The following CSMD1 variants were observed in gnomAD, a reference collection of about 807,000 sequenced individuals.
CSMD1 encodes CUB and sushi domain-containing protein 1.
In CSMD1, 213 loss-of-function variants were observed where a neutral mutation model predicts 417.5. The observed-to-expected ratio is 0.51, with a 90% CI of 0.46 to 0.57. CSMD1 has a LOEUF of 0.57. CSMD1 is among the 20% of genes least tolerant of loss of function. The pLI is 0.00. For synonymous variants in CSMD1, 2,862 were observed against 1,736.8 expected (o/e 1.65, Z -16.11); for missense variants, 6,923 against 4,529.7 (o/e 1.53, Z -15.17).
intron 2 of CSMD1, among the ~76,000 whole-genome samples, chr8:4,519,030 C>T (rs1216158998): frequency 6.6e-6 from 1 of 152,146 alleles, no homozygotes; most frequent in South Asian, 2.1e-4. Flanking sequence ...CCCAAACACT[C>T]CTTATGGCTA....
intron 23 of CSMD1, among the ~76,000 whole-genome samples, chr8:3,329,122 G>C (rs991889091): frequency 3.3e-5 from 5 of 152,140 alleles, no homozygotes; most frequent in Admixed American, 1.3e-4. Flanking sequence ...GCATAGAATG[G>C]AGGTGGAAGA....
intron 3 of CSMD1, among the ~76,000 whole-genome samples, chr8:4,390,986 A>G (rs1414357506): frequency 2.0e-5 from 3 of 152,192 alleles, no homozygotes; most frequent in South Asian, 2.1e-4. Context: ...ACTTTCTACC[A>G]TATGTGTGTT....
chr8:3,809,306 G>C (rs897073770), intron 5 of CSMD1, among the ~76,000 whole-genome samples: 3 of 152,116 alleles, frequency 2.0e-5, no homozygotes, highest in Non-Finnish European at 4.4e-5. Context: ...ACCTTTCATT[G>C]AAAGTTCTTG....
chr8:3,152,690 T>G (rs1487522600), intron 39 of CSMD1, among the ~76,000 whole-genome samples: 6 of 152,206 alleles, frequency 3.9e-5, no homozygotes, highest in African/African-American at 1.4e-4. Flanking sequence ...TTTTGTGGTG[T>G]GAGTCATAAT....
At chr8:4,209,943 A>G (rs1164951561) in intron 3 of CSMD1, among the ~76,000 whole-genome samples, 2 of 152,208 alleles carry the variant, frequency 1.3e-5, no homozygotes, top group Non-Finnish European at 2.9e-5. Flanking sequence ...TGTTGCTATG[A>G]CAATGGTAAA....
At chr8:4,813,220 A>T (rs1799007409) in intron 1 of CSMD1, among the ~76,000 whole-genome samples, 1 of 152,238 alleles carries the variant, frequency 6.6e-6, no homozygotes, top group Admixed American at 6.5e-5. Context: ...ATATTCAAGG[A>T]GCAAATGTGC....
intron 10 of CSMD1, among the ~76,000 whole-genome samples, chr8:3,549,106 C>T (rs116383614): frequency 0.062 from 9,395 of 152,244 alleles, 590 homozygotes; most frequent in African/African-American, 0.16. Flanking sequence ...CCACACATTG[C>T]CATGCAGATG....
At chr8:4,721,355 C>T (rs1035768449) in intron 1 of CSMD1, among the ~76,000 whole-genome samples, 12 of 151,922 alleles carry the variant, frequency 7.9e-5, no homozygotes, top group African/African-American at 2.4e-4. Context: ...TATTCTACTG[C>T]CTAGTGATAG....
At chr8:4,369,932 A>G (rs191501350) in intron 3 of CSMD1, among the ~76,000 whole-genome samples, 21 of 152,322 alleles carry the variant, frequency 1.4e-4, no homozygotes, top group African/African-American at 4.8e-4. Flanking sequence ...AAAGTTAGAC[A>G]TTTAACCCAT....
At chr8:3,709,554 A>C (rs188800727) in intron 6 of CSMD1, among the ~76,000 whole-genome samples, 4 of 152,024 alleles carry the variant, frequency 2.6e-5, no homozygotes, top group East Asian at 1.9e-4. Context: ...AGGAAAGAAG[A>C]TGGCTCTCCC....
chr8:4,145,563 A>AT (rs539856044), intron 3 of CSMD1, among the ~76,000 whole-genome samples: 24 of 150,928 alleles, frequency 1.6e-4, no homozygotes, highest in Admixed American at 9.8e-4. Context: ...CATTGTTATT[A>AT]TTTTTTGTGG....
rs561574631 is a variant in CSMD1, at chr8:3,795,992, T to G, written c.819-41950A>C. Among the ~76,000 whole-genome samples, 2 of 68,974 alleles carry G rather than the reference T, an allele frequency of 2.9e-5. 1 individual carries two copies. Among genetic ancestry groups the G allele is most frequent in the African/African-American group, 9.1e-5 (2 of 21,982 alleles). The allele number at this position is 68,974 out of a possible 152,430, so 45.2% of individuals were successfully genotyped here. A position where few individuals can be genotyped will look rare whatever the true frequency, so the allele number is the denominator to read the frequency against. Reference sequence around the variant, plus strand: ...TATCTATCATGTACAGATATAGATATATATCTATCATGTATATAGATATAT... The same window carrying G: ...TATCTATCATGTACAGATATAGATAGATATCTATCATGTATATAGATATAT... On this transcript the variant is annotated intron_variant, in intron 5 of 69. Coordinates refer to ENST00000635120, the MANE Select transcript of CSMD1 (RefSeq NM_033225.6).
At chr8:3,434,212 T>G (rs1477739327) in intron 12 of CSMD1, among the ~76,000 whole-genome samples, 2 of 152,236 alleles carry the variant, frequency 1.3e-5, no homozygotes. Flanking sequence ...TATGCCAGCG[T>G]CCTTTCAGAA....
intron 5 of CSMD1, among the ~76,000 whole-genome samples, chr8:3,788,111 A>C (rs1368439535): frequency 6.6e-6 from 1 of 152,208 alleles, no homozygotes; most frequent in East Asian, 1.9e-4. Context: ...CTTAGTTCTA[A>C]AATTTTCTTT....
chr8:3,949,907 C>A (rs986236579), intron 5 of CSMD1: 1 of 455,910 alleles, frequency 2.2e-6, no homozygotes, highest in South Asian at 1.5e-5. Context: ...CCATGGGAAG[C>A]TCCAGGTGTT....
intron 1 of CSMD1, among the ~76,000 whole-genome samples, chr8:4,768,140 G>C (rs1167118833): frequency 6.6e-6 from 1 of 152,010 alleles, no homozygotes; most frequent in African/African-American, 2.4e-5. Context: ...CAGATGTTTT[G>C]GAAAACAAAA....
intron 1 of CSMD1, among the ~76,000 whole-genome samples, chr8:4,930,213 A>G (rs556072236): frequency 2.0e-5 from 3 of 152,196 alleles, no homozygotes; most frequent in Non-Finnish European, 4.4e-5. Flanking sequence ...TATGCAATCA[A>G]TGTCCTTTCA....
At chr8:3,462,159 C>A (rs578092826) in intron 12 of CSMD1, among the ~76,000 whole-genome samples, 5 of 152,116 alleles carry the variant, frequency 3.3e-5, no homozygotes, top group South Asian at 4.2e-4. Flanking sequence ...GGGACCCACA[C>A]TGCATTTCTT....
intron 2 of CSMD1, among the ~76,000 whole-genome samples, chr8:4,632,174 C>A (rs567243323): frequency 1.1e-4 from 16 of 152,266 alleles, no homozygotes; most frequent in African/African-American, 3.1e-4. Flanking sequence ...TGCACAGTGG[C>A]AGGGATGAGT....
Sources: allele counts gnomAD v4.1 joint callset (sites outside exome capture counted in the v4.1 genomes callset), GRCh38; gene constraint gnomAD v4.1.1; transcripts MANE v1.5; gene names NCBI Gene and HGNC (gene_info 2026-07-23, HGNC 2026-07-21).